Variants in TENM3 observed in about 807,000 individuals in gnomAD.
The protein encoded by TENM3 is teneurin transmembrane protein 3.
TENM3 carries 63 observed loss-of-function variants against 255.1 expected under a neutral mutation model. That is an observed-to-expected ratio of 0.25 (90% confidence interval 0.20 to 0.30). The LOEUF (loss-of-function observed/expected upper bound fraction) is 0.30. Ranked by LOEUF, TENM3 falls within the 10% of genes least tolerant of loss-of-function variation. TENM3 has a pLI of 1.00. For synonymous variants in TENM3, 1,306 were observed against 1,322.3 expected (o/e 0.99, Z 0.27); for missense variants, 2,929 against 3,461.1 (o/e 0.85, Z 3.86).
chr4:181,716,504 T>C, the TENM3 span, among the ~76,000 whole-genome samples: 1 of 152,148 alleles, frequency 6.6e-6, no homozygotes, highest in East Asian at 1.9e-4. Context: ...CAACACTGAC[T>C]AGCACAAGTC....
the TENM3 span, among the ~76,000 whole-genome samples, chr4:181,667,166 A>G: frequency 6.6e-6 from 1 of 152,064 alleles, no homozygotes; most frequent in Admixed American, 6.6e-5. Flanking sequence ...CCACTACACA[A>G]AATGCTCCTC....
intron 1 of TENM3, among the ~76,000 whole-genome samples, chr4:182,285,302 A>T (rs1051741794): frequency 6.6e-6 from 1 of 152,102 alleles, no homozygotes; most frequent in Admixed American, 6.6e-5. Context: ...AGAATATGGT[A>T]TAAGGAATTA....
chr4:181,479,274 A>G, the TENM3 span, among the ~76,000 whole-genome samples: 1 of 152,200 alleles, frequency 6.6e-6, no homozygotes, highest in Admixed American at 6.5e-5. Context: ...TCCTTGGTAT[A>G]CATGTCACAA....
chr4:182,793,549 T>C lies in TENM3; in HGVS notation c.6877T>C (p.Tyr2293His). The change falls in exon 26 of 28, where the codon TAT becomes CAT. Residue 2293 changes from tyrosine to histidine, a missense_variant. Coordinates refer to ENST00000511685, the MANE Select transcript of TENM3 (RefSeq NM_001080477.4). This position sits in a 1 kb window ranked among gnomAD's most constrained non-coding sequence, Gnocchi z 5.7. ...GGAAATCAGCAGTGGGGATGAATTC[T>C]ATATTGCATCGGATAACACAGGGAC... The part of the protein sequence containing the change: ...AMEISSGDEF[Y>H]IASDNTGTPL... The C allele has an allele frequency of 6.2e-7, 1 of 1,613,980 alleles. No homozygotes were observed. Among genetic ancestry groups the C allele is most frequent in the East Asian group, 2.2e-5 (1 of 44,890 alleles).
chr4:182,527,123 A>G (rs1387643860), intron 3 of TENM3, among the ~76,000 whole-genome samples: 1 of 152,234 alleles, frequency 6.6e-6, no homozygotes, highest in Non-Finnish European at 1.5e-5. Context: ...ATTTCAATTA[A>G]AGAAGTCAAA....
At chr4:181,926,906 G>A in the TENM3 span, among the ~76,000 whole-genome samples, 4 of 151,920 alleles carry the variant, frequency 2.6e-5, no homozygotes, top group African/African-American at 9.7e-5. Flanking sequence ...GGAGGTGCAA[G>A]GGGTCTGGGA....
chr4:181,829,400 G>A, the TENM3 span, among the ~76,000 whole-genome samples: 3 of 152,192 alleles, frequency 2.0e-5, no homozygotes, highest in African/African-American at 7.2e-5. Flanking sequence ...GGCTAAATAT[G>A]TGTTAAAGGG....
chr4:182,504,000 C>A (rs982863270), intron 3 of TENM3, among the ~76,000 whole-genome samples: 2 of 151,300 alleles, frequency 1.3e-5, no homozygotes, highest in Non-Finnish European at 2.9e-5. Context: ...GACATATTAT[C>A]TAATTTACAT....
chr4:181,459,917 G>C, the TENM3 span, among the ~76,000 whole-genome samples: 1 of 151,816 alleles, frequency 6.6e-6, no homozygotes, highest in Admixed American at 6.6e-5. Context: ...ACACATCAAC[G>C]ATATTGAGTC....
chr4:181,839,134 T>C, the TENM3 span, among the ~76,000 whole-genome samples: 2 of 151,132 alleles, frequency 1.3e-5, no homozygotes, highest in South Asian at 2.1e-4. Context: ...CTATGAGTAA[T>C]TTAGAAATAG....
the TENM3 span, among the ~76,000 whole-genome samples, chr4:181,947,740 C>T: frequency 2.0e-5 from 3 of 151,978 alleles, no homozygotes; most frequent in Non-Finnish European, 2.9e-5. Flanking sequence ...AAAAAAAATG[C>T]CCTTTTTGCT....
chr4:181,625,080 C>T, the TENM3 span, among the ~76,000 whole-genome samples: 2 of 152,182 alleles, frequency 1.3e-5, no homozygotes, highest in Non-Finnish European at 2.9e-5. Flanking sequence ...AAATCCAGTA[C>T]AGGGCCCATC....
the TENM3 span, among the ~76,000 whole-genome samples, chr4:181,653,469 C>A: frequency 6.6e-6 from 1 of 152,044 alleles, no homozygotes. Flanking sequence ...GAGTGCAATG[C>A]CGCCATCTCG....
the TENM3 span, among the ~76,000 whole-genome samples, chr4:181,917,098 A>T: frequency 6.6e-6 from 1 of 152,298 alleles, no homozygotes; most frequent in East Asian, 1.9e-4. Flanking sequence ...AAAAATATTT[A>T]TTGAGCACCT....
the TENM3 span, among the ~76,000 whole-genome samples, chr4:181,486,221 C>T: frequency 6.6e-6 from 1 of 152,308 alleles, no homozygotes. Context: ...GCAAACCACA[C>T]ACTCTTCTCC....
At chr4:182,643,943 T>C (rs1752528493) in intron 5 of TENM3, among the ~76,000 whole-genome samples, 1 of 152,200 alleles carries the variant, frequency 6.6e-6, no homozygotes, top group Admixed American at 6.5e-5. Flanking sequence ...TCAGACTCTC[T>C]TTCCCATATT....
the TENM3 span, among the ~76,000 whole-genome samples, chr4:181,596,707 TAAAGA>T: frequency 1.3e-5 from 2 of 151,984 alleles, no homozygotes; most frequent in African/African-American, 4.8e-5. Flanking sequence ...ATAGACTGGA[TAAAGA>T]AAATGTGGTA....
At chr4:181,486,171 A>C in the TENM3 span, among the ~76,000 whole-genome samples, 1 of 152,126 alleles carries the variant, frequency 6.6e-6, no homozygotes, top group Non-Finnish European at 1.5e-5. Flanking sequence ...GCCCCAACAC[A>C]CCTCAGCAGG....
chr4:182,469,731 A>G (rs920742077), intron 3 of TENM3, among the ~76,000 whole-genome samples: 4 of 148,924 alleles, frequency 2.7e-5, no homozygotes, highest in Non-Finnish European at 6.0e-5. Context: ...AAAAAAAAAG[A>G]GAACTGGAAG....
Sources: allele counts gnomAD v4.1 joint callset (sites outside exome capture counted in the v4.1 genomes callset), GRCh38; gene constraint gnomAD v4.1.1; non-coding constraint Gnocchi (gnomAD v3.1); transcripts MANE v1.5; gene names NCBI Gene and HGNC (gene_info 2026-07-23, HGNC 2026-07-21).